The following PDE1C variants were observed in gnomAD, a reference collection of about 807,000 sequenced individuals.
PDE1C encodes the protein phosphodiesterase 1C, also known as dual specificity calcium/calmodulin-dependent 3',5'-cyclic nucleotide phosphodiesterase 1C.
A neutral mutation model predicts 93.1 loss-of-function variants in PDE1C; 62 were observed. The observed-to-expected ratio is 0.67, with a 90% CI of 0.54 to 0.82. The LOEUF is 0.82. Ranked by LOEUF, PDE1C falls within the 40% of genes least tolerant of loss-of-function variation. The pLI, the probability that PDE1C is intolerant of heterozygous loss-of-function variation, is 0.00. For synonymous variants in PDE1C, 325 were observed against 310.1 expected, an observed-to-expected ratio of 1.05 and a Z score of -0.50; for missense variants, 742 against 884.6, an observed-to-expected ratio of 0.84 and a Z score of 2.04.
chr7:31,799,410 T>G (rs573359538), intron 16 of PDE1C, among the ~76,000 whole-genome samples: 45 of 151,812 alleles, frequency 3.0e-4, no homozygotes, highest in African/African-American at 1.0e-3. Context: ...CACTCAAGTG[T>G]AAAGTTGTAT....
intron 2 of PDE1C, among the ~76,000 whole-genome samples, chr7:32,196,418 A>G (rs1804624157): frequency 1.3e-5 from 2 of 151,894 alleles, no homozygotes; most frequent in Admixed American, 1.3e-4. Context: ...CCAGGTTTTT[A>G]TCTTTTTCAG....
At position 32,119,721 on chromosome 7, in the gene PDE1C, C is replaced by T. The variant is rs138443345; in HGVS notation, c.308+50064G>A. 2.6e-5 allele frequency among the ~76,000 whole-genome samples: 4 copies of T among 152,282 alleles called. No homozygotes were observed. In the East Asian group the frequency reaches 5.8e-4, roughly 22 times the overall value. ...GCCCCCACCCCCTAGCCAAGGCCGG[C>T]GGTGAGTGAGCCTGCTACCCAGCCA... On this transcript the variant is annotated intron_variant, in intron 3 of 18. Coordinates refer to the PDE1C transcript ENST00000396193.
intron 1 of PDE1C, among the ~76,000 whole-genome samples, chr7:32,334,420 G>A (rs1036447238): frequency 7.9e-5 from 12 of 151,890 alleles, no homozygotes; most frequent in Admixed American, 1.3e-4. Context: ...TGGCACATTC[G>A]TATAATGGAC....
chr7:32,010,215 G>T (rs553743521), intron 2 of PDE1C, among the ~76,000 whole-genome samples: 1 of 151,904 alleles, frequency 6.6e-6, no homozygotes, highest in African/African-American at 2.4e-5. Flanking sequence ...AAGAACAAAG[G>T]GGAACTAAAA....
intron 3 of PDE1C, among the ~76,000 whole-genome samples, chr7:32,119,122 G>A (rs139204993): frequency 5.1e-3 from 769 of 152,130 alleles, no homozygotes; most frequent in African/African-American, 0.017. Flanking sequence ...AATCCCTGCC[G>A]TTCACATCAA....
chr7:32,294,069 G>A (rs191747194), intron 1 of PDE1C, among the ~76,000 whole-genome samples: 43 of 152,044 alleles, frequency 2.8e-4, no homozygotes, highest in African/African-American at 9.4e-4. Flanking sequence ...GCCACCCACC[G>A]AGCCCTGCCT....
chr7:31,636,522 A>G, the PDE1C span, among the ~76,000 whole-genome samples: 1 of 152,108 alleles, frequency 6.6e-6, no homozygotes, highest in South Asian at 2.1e-4. Context: ...TAGGTTCGAA[A>G]GTCTGTCTTG....
chr7:31,852,440 G>C (rs758565917), intron 7 of PDE1C, among the ~76,000 whole-genome samples: 3 of 151,644 alleles, frequency 2.0e-5, no homozygotes, highest in African/African-American at 4.8e-5. Flanking sequence ...GGCAAGATAA[G>C]GAAAGATTGC....
chr7:32,154,045 G>T (rs1489777920), intron 3 of PDE1C, among the ~76,000 whole-genome samples: 1 of 152,212 alleles, frequency 6.6e-6, no homozygotes. Context: ...CTTGAGCCCA[G>T]GAGTTTGACG....
At chr7:31,835,543 TG>T (rs2128761085) in intron 11 of PDE1C, among the ~76,000 whole-genome samples, 1 of 151,850 alleles carries the variant, frequency 6.6e-6, no homozygotes, top group African/African-American at 2.4e-5. Flanking sequence ...TGTGTGTGTG[TG>T]TGTGTGTGTG....
At chr7:32,142,944 G>C (rs1800621966) in intron 3 of PDE1C, among the ~76,000 whole-genome samples, 1 of 152,114 alleles carries the variant, frequency 6.6e-6, no homozygotes, top group African/African-American at 2.4e-5. Context: ...AAAGTGTGGA[G>C]AGACCAGTTC....
chr7:31,696,007 G>C, the PDE1C span: 7 of 155,208 alleles, frequency 4.5e-5, no homozygotes, highest in Non-Finnish European at 8.5e-5. Flanking sequence ...GAGGTAGACA[G>C]AGTGGAGGAC....
chr7:31,885,735 T>G (rs1797785803), intron 2 of PDE1C, among the ~76,000 whole-genome samples: 1 of 152,178 alleles, frequency 6.6e-6, no homozygotes, highest in South Asian at 2.1e-4. Flanking sequence ...CTAGGACCAA[T>G]GGAGTGAGCT....
chr7:31,808,978 T>G lies in PDE1C; in HGVS notation c.1891+53A>C, dbSNP rs1007713137. 21 of 1,033,412 alleles carry G rather than the reference T, an allele frequency of 2.0e-5. No homozygotes were observed. The Admixed American group carries it at 3.7e-4, about 18-fold the overall frequency. The allele number at this position is 1,033,412 out of a possible 1,614,324, so 64.0% of individuals were successfully genotyped here. A position where few individuals can be genotyped will look rare whatever the true frequency, so the allele number is the denominator to read the frequency against. On this transcript the variant is annotated intron_variant, in intron 16 of 17. Coordinates refer to ENST00000396191, the MANE Select transcript of PDE1C (RefSeq NM_001191057.4). ...AATTTTGGGTATGATTCTAACAAGCTTACATTAAACTGCACATTTTATGGA... is the reference window on the plus strand; with the variant it reads ...AATTTTGGGTATGATTCTAACAAGCGTACATTAAACTGCACATTTTATGGA...
chr7:32,208,408 T>G (rs905079902), intron 2 of PDE1C, among the ~76,000 whole-genome samples: 1 of 152,058 alleles, frequency 6.6e-6, no homozygotes, highest in South Asian at 2.1e-4. Flanking sequence ...CATTTTTGAC[T>G]GACCTGGAAA....
At chr7:32,312,286 C>T (rs1364997540) in intron 1 of PDE1C, among the ~76,000 whole-genome samples, 1 of 151,966 alleles carries the variant, frequency 6.6e-6, no homozygotes, top group Non-Finnish European at 1.5e-5. Context: ...ACATTCCATG[C>T]TCATGGGTAG....
At chr7:32,112,859 T>C (rs1798749293) in intron 3 of PDE1C, among the ~76,000 whole-genome samples, 1 of 112,182 alleles carries the variant, frequency 8.9e-6, no homozygotes, top group Admixed American at 8.1e-5. Context: ...TATATATATA[T>C]ATATATATAT....
At chr7:31,997,230 A>C (rs1784830221) in intron 2 of PDE1C, among the ~76,000 whole-genome samples, 2 of 152,188 alleles carry the variant, frequency 1.3e-5, no homozygotes, top group South Asian at 4.1e-4. Flanking sequence ...TAAGCACCTC[A>C]AGCTTTTAAT....
intron 2 of PDE1C, among the ~76,000 whole-genome samples, chr7:31,925,470 A>T (rs1419699520): frequency 3.6e-4 from 2 of 5,550 alleles, no homozygotes; most frequent in Non-Finnish European, 7.9e-4. Flanking sequence ...CTTAGGAAAA[A>T]CTCTTAAAAA....
Sources: allele counts gnomAD v4.1 joint callset (sites outside exome capture counted in the v4.1 genomes callset), GRCh38; gene constraint gnomAD v4.1.1; transcripts MANE v1.5; gene names NCBI Gene and HGNC (gene_info 2026-07-23, HGNC 2026-07-21).